Variants in SPMIP2 observed in about 807,000 individuals in gnomAD.
SPMIP2 encodes sperm microtubule inner protein 2, also known as protein SPMIP2.
chr4:158,979,789 G>GTTTTTTTTTTTTTTTTTTTTTT, the SPMIP2 span, among the ~76,000 whole-genome samples: 1 of 104,512 alleles, frequency 9.6e-6, no homozygotes, highest in African/African-American at 4.2e-5. Context: ...AGTTGCAAGA[G>GTTTTTTTTTTTTTTTTTTTTTT]TTTTTTTTTT....
the SPMIP2 span, among the ~76,000 whole-genome samples, chr4:158,962,568 T>G: frequency 6.6e-6 from 1 of 152,200 alleles, no homozygotes; most frequent in Non-Finnish European, 1.5e-5. Context: ...TATGCTAATG[T>G]ATTTTTTCCT....
chr4:158,900,776 ACT>A, the SPMIP2 span, among the ~76,000 whole-genome samples: 1 of 151,516 alleles, frequency 6.6e-6, no homozygotes, highest in Non-Finnish European at 1.5e-5. Flanking sequence ...ATGGGTCTTG[ACT>A]CTTTATCCAG....
At chr4:159,010,962 C>G in the SPMIP2 span, among the ~76,000 whole-genome samples, 1 of 152,082 alleles carries the variant, frequency 6.6e-6, no homozygotes, top group African/African-American at 2.4e-5. Context: ...TCGAATTTTA[C>G]TCTCTCTTCT....
At chr4:158,901,193 C>T in the SPMIP2 span, among the ~76,000 whole-genome samples, 15 of 135,736 alleles carry the variant, frequency 1.1e-4, no homozygotes, top group South Asian at 6.8e-4. Context: ...AGTGCAGTGG[C>T]GTGATCTTAG....
At chr4:159,009,812 A>T in the SPMIP2 span, among the ~76,000 whole-genome samples, 2,051 of 151,080 alleles carry the variant, frequency 0.014, 27 homozygotes, top group Middle Eastern at 0.048. Context: ...CTCTGTTAAT[A>T]AAAAAAAATG....
At chr4:158,955,145 T>TAC in the SPMIP2 span, among the ~76,000 whole-genome samples, 63 of 151,558 alleles carry the variant, frequency 4.2e-4, no homozygotes, top group Non-Finnish European at 6.5e-4. Flanking sequence ...AGATTTAAAA[T>TAC]ACACACACAC....
chr4:158,933,530 T>C, the SPMIP2 span, among the ~76,000 whole-genome samples: 1 of 152,202 alleles, frequency 6.6e-6, no homozygotes, highest in African/African-American at 2.4e-5. Context: ...CATTACTTCA[T>C]TGTAATGGTT....
chr4:158,925,311 C>G, the SPMIP2 span, among the ~76,000 whole-genome samples: 1 of 152,144 alleles, frequency 6.6e-6, no homozygotes, highest in Non-Finnish European at 1.5e-5. Context: ...TTGAATTGAT[C>G]TAATTTGTTG....
the SPMIP2 span, among the ~76,000 whole-genome samples, chr4:158,983,433 G>T: frequency 5.1e-4 from 77 of 151,874 alleles, no homozygotes; most frequent in African/African-American, 1.8e-3. Flanking sequence ...TACCCACAAA[G>T]GGAAGCCCAT....
At chr4:158,934,511 G>A in the SPMIP2 span, among the ~76,000 whole-genome samples, 379 of 152,130 alleles carry the variant, frequency 2.5e-3, 2 homozygotes, top group African/African-American at 8.6e-3. Context: ...CTACTTATGA[G>A]GGTTAAATGA....
At chr4:159,053,460 C>T in the SPMIP2 span, among the ~76,000 whole-genome samples, 25 of 152,218 alleles carry the variant, frequency 1.6e-4, no homozygotes, top group African/African-American at 5.8e-4. Context: ...GGCTGTGGGC[C>T]GGTAGGGTCC....
chr4:159,035,826 CT>C, the SPMIP2 span, among the ~76,000 whole-genome samples: 7 of 152,220 alleles, frequency 4.6e-5, no homozygotes, highest in African/African-American at 1.7e-4. Context: ...AGGAGGATGT[CT>C]GCAGACACAG....
At chr4:159,009,661 C>A in the SPMIP2 span, among the ~76,000 whole-genome samples, 4 of 152,210 alleles carry the variant, frequency 2.6e-5, no homozygotes, top group South Asian at 8.3e-4. Flanking sequence ...TTGAGAGGCT[C>A]TCATAAGGGT....
At chr4:158,960,411 T>C in the SPMIP2 span, 1 of 900,152 alleles carries the variant, frequency 1.1e-6, no homozygotes, top group Non-Finnish European at 1.7e-6. Flanking sequence ...TAAGTATCCA[T>C]ATTTCTAGTC....
At chr4:158,993,241 C>G in the SPMIP2 span, among the ~76,000 whole-genome samples, 1 of 151,966 alleles carries the variant, frequency 6.6e-6, no homozygotes, top group East Asian at 1.9e-4. Context: ...ATGGCATGCC[C>G]GGGTAGTCCC....
the SPMIP2 span, among the ~76,000 whole-genome samples, chr4:158,928,095 G>T: frequency 1.1e-4 from 16 of 152,226 alleles, no homozygotes; most frequent in African/African-American, 3.6e-4. Context: ...CAGGCGCAAG[G>T]CACGGGACTG....
the SPMIP2 span, among the ~76,000 whole-genome samples, chr4:158,973,682 A>T: frequency 6.6e-6 from 1 of 152,140 alleles, no homozygotes; most frequent in African/African-American, 2.4e-5. Context: ...ACTGCTTTGT[A>T]TATAATCAAC....
the SPMIP2 span, among the ~76,000 whole-genome samples, chr4:159,001,256 C>A: frequency 2.0e-5 from 3 of 152,088 alleles, no homozygotes; most frequent in African/African-American, 4.8e-5. Context: ...TGTAGAGGAC[C>A]TTTTGCTTAT....
chr4:159,048,067 C>A, the SPMIP2 span, among the ~76,000 whole-genome samples: 1 of 152,158 alleles, frequency 6.6e-6, no homozygotes, highest in Admixed American at 6.5e-5. Context: ...ATGCTTTTAG[C>A]GATGTTTTGC....
Sources: allele counts gnomAD v4.1 joint callset (sites outside exome capture counted in the v4.1 genomes callset), GRCh38; gene constraint gnomAD v4.1.1; transcripts MANE v1.5; gene names NCBI Gene and HGNC (gene_info 2026-07-23, HGNC 2026-07-21).